Variants in ASIC2 observed in about 807,000 individuals in gnomAD.
The protein encoded by ASIC2 is acid sensing ion channel subunit 2.
A neutral mutation model predicts 57.3 loss-of-function variants in ASIC2; 25 were observed. The ratio of observed to expected loss-of-function variants is 0.44; its 90% CI spans 0.32 to 0.61. The LOEUF (loss-of-function observed/expected upper bound fraction) is 0.61, where lower values mean the gene tolerates loss of function less well. Ranked by LOEUF, ASIC2 falls within the 20% of genes least tolerant of loss-of-function variation. The pLI is 0.06. For synonymous variants in ASIC2, 319 were observed against 307.5 expected (o/e 1.04, Z -0.39); for missense variants, 641 against 738.1 (o/e 0.87, Z 1.52).
At chr17:33,775,507 G>A (rs997462757) in intron 1 of ASIC2, among the ~76,000 whole-genome samples, 4 of 152,176 alleles carry the variant, frequency 2.6e-5, no homozygotes, top group Admixed American at 6.5e-5. Context: ...GGTGCGAAAC[G>A]AATGAAAGGA....
chr17:33,373,964 C>A (rs1346362869), intron 1 of ASIC2, among the ~76,000 whole-genome samples: 3 of 152,032 alleles, frequency 2.0e-5, no homozygotes, highest in African/African-American at 7.2e-5. Context: ...AGGCATGAAC[C>A]ACTGCGCCCT....
In ASIC2 at chr17:33,725,837, A is replaced by G. The variant is rs1327777102; in HGVS notation, c.555+430141T>C. Among the ~76,000 whole-genome samples the G allele has an allele frequency of 7.9e-5, 12 of 151,884 alleles. 1 individual carries two copies. The highest frequency in any genetic ancestry group is 2.7e-4 in the African/African-American group (11 of 41,366). On this transcript the variant is annotated intron_variant, in intron 1 of 9. Coordinates refer to the ASIC2 transcript ENST00000359872. ...CAAAGTGGGTCTCTTGTGGCTCACA[A>G]ACCGCTGTAGCACAACCTTCTGCAC...
intron 1 of ASIC2, chr17:33,689,206 T>A (rs1264526879): frequency 6.6e-6 from 1 of 152,222 alleles, no homozygotes; most frequent in Non-Finnish European, 1.5e-5. Context: ...CCCCCTTAGA[T>A]AATGGACTGT....
At chr17:33,114,953 C>A (rs1246096659) in intron 1 of ASIC2, among the ~76,000 whole-genome samples, 2 of 152,158 alleles carry the variant, frequency 1.3e-5, no homozygotes, top group Non-Finnish European at 2.9e-5. Context: ...TGATCATTGA[C>A]TGAGTGTCTG....
chr17:34,131,271 G>C (rs943467045), intron 1 of ASIC2, among the ~76,000 whole-genome samples: 2 of 151,916 alleles, frequency 1.3e-5, no homozygotes, highest in Non-Finnish European at 2.9e-5. Flanking sequence ...GTTTCAGACA[G>C]GGCCATTTGG....
At chr17:33,898,139 C>G (rs1230561981) in intron 1 of ASIC2, among the ~76,000 whole-genome samples, 1 of 144,604 alleles carries the variant, frequency 6.9e-6, no homozygotes, top group Admixed American at 7.0e-5. Context: ...ATATTTCTTT[C>G]TTTCTTATTT....
At chr17:34,105,438 T>A (rs1408605775) in intron 1 of ASIC2, among the ~76,000 whole-genome samples, 1 of 151,468 alleles carries the variant, frequency 6.6e-6, no homozygotes, top group Non-Finnish European at 1.5e-5. Flanking sequence ...TTTTAATTTT[T>A]AAAAATTTCT....
chr17:33,614,181 G>A (rs548089011), intron 1 of ASIC2, among the ~76,000 whole-genome samples: 1 of 152,110 alleles, frequency 6.6e-6, no homozygotes, highest in African/African-American at 2.4e-5. Context: ...TTTAAGGATG[G>A]GTGTCCTTAT....
intron 1 of ASIC2, among the ~76,000 whole-genome samples, chr17:33,359,142 G>A (rs944098141): frequency 1.3e-5 from 2 of 152,200 alleles, no homozygotes; most frequent in East Asian, 1.9e-4. Flanking sequence ...CACCTAGCAA[G>A]CTCTAGGCAG....
At chr17:33,676,118 A>G (rs1204509300) in intron 1 of ASIC2, among the ~76,000 whole-genome samples, 2 of 152,226 alleles carry the variant, frequency 1.3e-5, no homozygotes, top group African/African-American at 4.8e-5. Flanking sequence ...TTGGGGCACC[A>G]TGAGCCACAT....
At chr17:33,718,497 AG>A (rs1213709554) in intron 1 of ASIC2, among the ~76,000 whole-genome samples, 2 of 152,100 alleles carry the variant, frequency 1.3e-5, no homozygotes, top group Non-Finnish European at 2.9e-5. Flanking sequence ...CCCTTGTAGT[AG>A]GTCCTGCCTC....
Position 33,013,379 on chromosome 17 carries a change from TGGGGG to T in ASIC2, c.*581_*585del, listed in dbSNP as rs1033562888. The T allele has an allele frequency of 6.5e-3, 1,004 of 154,898 alleles. 16 individuals are homozygous for T. Among genetic ancestry groups the T allele is most frequent in the African/African-American group, 0.023 (937 of 41,548 alleles). 9.6% of individuals were successfully genotyped at this position (154,898 alleles called of 1,614,324 possible). A position where few individuals can be genotyped will look rare whatever the true frequency, so the allele number is the denominator to read the frequency against. On this transcript the variant is annotated 3_prime_UTR_variant, in exon 10 of 10. Coordinates refer to ENST00000225823, the MANE Select transcript of ASIC2 (RefSeq NM_183377.2). ...GCTGCTGTGCCGCCGTCATAGGCAC[TGGGGG>T]GGAGGGAGGTTGGCGCGGGTCACCT...
In ASIC2 at chr17:33,813,003, T is replaced by A. The variant is rs550524060; in HGVS notation, c.555+342975A>T. ...CATTTTTTGGCTCAGGGTGAGCTGC[T>A]GATATCCTCATCTGGTGCCAGGGCC... On this transcript the variant is annotated intron_variant, in intron 1 of 9. Transcript: ENST00000359872. Among the ~76,000 whole-genome samples, 785 of 152,308 alleles carry A rather than the reference T, an allele frequency of 5.2e-3. 1 individual carries two copies. The highest frequency in any genetic ancestry group is 7.9e-3 in the Non-Finnish European group (537 of 68,018).
chr17:33,489,592 C>G (rs760717724), intron 1 of ASIC2, among the ~76,000 whole-genome samples: 3 of 152,220 alleles, frequency 2.0e-5, no homozygotes, highest in Non-Finnish European at 4.4e-5. Flanking sequence ...GAGACTCCAT[C>G]TCTAAGACCT....
intron 1 of ASIC2, among the ~76,000 whole-genome samples, chr17:33,514,343 C>A (rs570493075): frequency 1.2e-4 from 18 of 152,230 alleles, no homozygotes; most frequent in African/African-American, 4.1e-4. Flanking sequence ...CATGGCCCTG[C>A]CTTGCTGATC....
At chr17:34,010,524 A>T (rs75887330) in intron 1 of ASIC2, among the ~76,000 whole-genome samples, 5,869 of 152,236 alleles carry the variant, frequency 0.039, 139 homozygotes, top group Non-Finnish European at 0.058. Context: ...TCTTTTGATC[A>T]ACTGTGTTGA....
chr17:33,228,247 G>A (rs768468439), intron 1 of ASIC2, among the ~76,000 whole-genome samples: 7 of 152,208 alleles, frequency 4.6e-5, no homozygotes, highest in African/African-American at 9.7e-5. Context: ...GAACTAGACA[G>A]TGGTGATGGT....
rs370471496 is a variant in ASIC2 at position 33,199,759 on chromosome 17, G to A, written c.709-87692C>T. Among the ~76,000 whole-genome samples the A allele has an allele frequency of 1.1e-3, 172 of 152,224 alleles. 2 individuals carry two copies. The highest frequency in any genetic ancestry group is 4.0e-3 in the African/African-American group (166 of 41,536). ...CTCTTGTAAAGACTACTTCCTATGT[G>A]TACCTTGATCGCCATTCCAACCTGG... On this transcript the variant is annotated intron_variant, in intron 1 of 9. Transcript: ENST00000225823.
chr17:33,467,386 A>C (rs941886545), intron 1 of ASIC2, among the ~76,000 whole-genome samples: 1 of 152,254 alleles, frequency 6.6e-6, no homozygotes, highest in African/African-American at 2.4e-5. Flanking sequence ...TAAACCAAAA[A>C]TAAAATTCTA....
Sources: gnomAD v4.1 joint callset for allele counts (sites outside exome capture counted in the v4.1 genomes callset) on GRCh38, gnomAD v4.1.1 for gene constraint, MANE v1.5 for transcripts, NCBI Gene and HGNC (gene_info 2026-07-23, HGNC 2026-07-21) for gene names.